SMARCB1: variants seen among roughly 807,000 people sequenced by gnomAD.
The protein encoded by SMARCB1 is SWI/SNF related BAF chromatin remodeling complex subunit B1.
A neutral mutation model predicts 49.0 loss-of-function variants in SMARCB1; 5 were observed. The observed-to-expected ratio is 0.10, with a 90% CI of 0.05 to 0.21. The LOEUF is 0.21. SMARCB1 is among the 10% of genes least tolerant of loss of function. SMARCB1 has a pLI of 1.00. For missense variants in SMARCB1, 226 were observed against 509.2 expected, an observed-to-expected ratio of 0.44 and a Z score of 5.35; for synonymous variants, 201 against 200.1, an observed-to-expected ratio of 1.00 and a Z score of -0.04.
chr22:23,837,570 A>G lies in SMARCB1; in HGVS notation c.*3390A>G. 7.9e-7 allele frequency: 1 copy of G among 1,269,192 alleles called. No individual in the cohort carries two copies. The highest frequency in any genetic ancestry group is 1.1e-6 in the Non-Finnish European group (1 of 911,284). The allele number at this position is 1,269,192 out of a possible 1,614,324, so 78.6% of individuals were successfully genotyped here. ...AGCCAGGTGTGAGGAGAACTCCAGC[A>G]AGGATGGGAGAGGGGCCCCAGGGCA... is the stretch of plus-strand genomic sequence containing the variant. On this transcript the variant is annotated 3_prime_UTR_variant, in exon 9 of 9. Transcript: ENST00000644036.
rs193100004 is a variant in SMARCB1, at chr22:23,808,978, G to A, written c.628+5556G>A. Among the ~76,000 whole-genome samples the A allele has an allele frequency of 3.2e-3, 490 of 151,764 alleles. 8 individuals are homozygous for A. Among genetic ancestry groups the A allele is most frequent in the African/African-American group, 0.011 (447 of 41,300 alleles). On this transcript the variant is annotated intron_variant, in intron 5 of 8. Coordinates refer to ENST00000644036, the MANE Select transcript of SMARCB1 (RefSeq NM_003073.5). Reference sequence around the variant, plus strand: ...CTCCTAAAGTGCTGGGATTACAGGCGTGAGCCACTGTGCTCGGCCAATTTT... The same window carrying A: ...CTCCTAAAGTGCTGGGATTACAGGCATGAGCCACTGTGCTCGGCCAATTTT...
chr22:23,822,019 G>A (rs2030115060), intron 6 of SMARCB1, among the ~76,000 whole-genome samples: 1 of 152,244 alleles, frequency 6.6e-6, no homozygotes, highest in South Asian at 2.1e-4. Context: ...GGGTGTTTCT[G>A]TAAGGACGTC....
rs150935658 is a variant in SMARCB1, at chr22:23,810,582, G to C, written c.629-6188G>C. On this transcript the variant is annotated intron_variant, in intron 5 of 8. Transcript: ENST00000644036. ...GAAAAGATTAAAGAAGAAACATTGAGACATCAGGAAGGAACAAAAGAAAGC... is the reference window on the plus strand; with the variant it reads ...GAAAAGATTAAAGAAGAAACATTGACACATCAGGAAGGAACAAAAGAAAGC... 4.9e-3 allele frequency among the ~76,000 whole-genome samples: 730 copies of C among 149,446 alleles called. 20 individuals are homozygous for C. In the South Asian group the frequency reaches 0.083, roughly 17 times the overall value.
chr22:23,823,687 C>G (rs9612474), intron 6 of SMARCB1: 1 of 151,658 alleles, frequency 6.6e-6, no homozygotes, highest in Non-Finnish European at 1.5e-5. Flanking sequence ...GTCGCAGCTA[C>G]TCAGGAGACT....
chr22:23,787,778 C>A (rs1289704304), intron 1 of SMARCB1, among the ~76,000 whole-genome samples: 1 of 152,084 alleles, frequency 6.6e-6, no homozygotes, highest in Admixed American at 6.5e-5. Context: ...CTTTGTTTAC[C>A]GGTGAAGAAA....
At chr22:23,829,313 A>C (rs1463050504) in intron 7 of SMARCB1, among the ~76,000 whole-genome samples, 1 of 152,230 alleles carries the variant, frequency 6.6e-6, no homozygotes, top group African/African-American at 2.4e-5. Flanking sequence ...TGGCCAGGGC[A>C]GGTGCTGATG....
At chr22:23,826,747 A>G (rs930138050) in intron 7 of SMARCB1, among the ~76,000 whole-genome samples, 1 of 152,244 alleles carries the variant, frequency 6.6e-6, no homozygotes, top group Non-Finnish European at 1.5e-5. Flanking sequence ...CCCAAGAGAC[A>G]GCTTTCTATG....
At chr22:23,832,468 T>C (rs2146038903) in intron 7 of SMARCB1, among the ~76,000 whole-genome samples, 1 of 152,058 alleles carries the variant, frequency 6.6e-6, no homozygotes, top group Middle Eastern at 3.4e-3. Context: ...TGGCAGGGTG[T>C]CCTTCTCCCA....
intron 6 of SMARCB1, chr22:23,817,327 C>T (rs1211928411): frequency 9.5e-6 from 3 of 314,522 alleles, no homozygotes; most frequent in Admixed American, 4.3e-5. Context: ...GAGCTGAGAT[C>T]ACCTGCGGAA....
chr22:23,803,820 C>T (rs1929326160), intron 5 of SMARCB1: 6 of 335,452 alleles, frequency 1.8e-5, no homozygotes, highest in South Asian at 1.3e-4. Flanking sequence ...TGCCTCTCTC[C>T]TCCTCTAACT....
chr22:23,811,466 T>C (rs1443215807), intron 5 of SMARCB1, among the ~76,000 whole-genome samples: 2 of 152,206 alleles, frequency 1.3e-5, no homozygotes, highest in East Asian at 3.8e-4. Flanking sequence ...GAGCAACATA[T>C]ACCATATAAT....
chr22:23,803,563 G>T (rs1483501933), intron 5 of SMARCB1, 141 bp downstream of exon 5: 2 of 946,458 alleles, frequency 2.1e-6, no homozygotes, highest in South Asian at 1.4e-5. Flanking sequence ...TGGAGGGTGT[G>T]GGCTCTGGGT....
chr22:23,819,858 G>A (rs1011378207), intron 6 of SMARCB1, among the ~76,000 whole-genome samples: 2 of 150,342 alleles, frequency 1.3e-5, no homozygotes, highest in African/African-American at 4.9e-5. Flanking sequence ...ACAGAGTCTC[G>A]CTCTGTTACC....
intron 4 of SMARCB1, chr22:23,801,452 C>T: frequency 1.8e-6 from 1 of 543,990 alleles, no homozygotes; most frequent in Non-Finnish European, 3.5e-6. Context: ...CCAGAGCCTG[C>T]TGGAGTAAAC....
chr22:23,805,854 C>A (rs11703205), intron 5 of SMARCB1, among the ~76,000 whole-genome samples: 19,173 of 152,204 alleles, frequency 0.13, 1,298 homozygotes, highest in South Asian at 0.28. Context: ...CTTAGTGTTC[C>A]AATTGGATCA....
At chr22:23,800,846 CAG>C (rs2145977722) in intron 3 of SMARCB1, 96 bp from the exon 4 acceptor site, 3 of 951,332 alleles carry the variant, frequency 3.2e-6, no homozygotes, top group East Asian at 4.8e-5. Context: ...TCGAGCCTGA[CAG>C]AGGTACAGTG....
chr22:23,811,206 T>C (rs1929851484), intron 5 of SMARCB1, among the ~76,000 whole-genome samples: 1 of 152,112 alleles, frequency 6.6e-6, no homozygotes, highest in East Asian at 1.9e-4. Flanking sequence ...ATCCTAAATA[T>C]GTATGCAGCA....
At chr22:23,801,416 CGTGACTCCCACT>C (rs551606363) in intron 4 of SMARCB1, 10 of 621,266 alleles carry the variant, frequency 1.6e-5, no homozygotes, top group African/African-American at 1.4e-4. Flanking sequence ...ATGCCATCCA[CGTGACTCCCACT>C]GTGCCACCAT....
At chr22:23,808,685 G>A (rs1213156792) in intron 5 of SMARCB1, among the ~76,000 whole-genome samples, 2 of 151,336 alleles carry the variant, frequency 1.3e-5, no homozygotes, top group African/African-American at 2.4e-5. Context: ...AGGAATGAAC[G>A]ATATTGGACA....
Sources: gnomAD v4.1 joint callset for allele counts (sites outside exome capture counted in the v4.1 genomes callset) on GRCh38, gnomAD v4.1.1 for gene constraint, MANE v1.5 for transcripts, NCBI Gene and HGNC (gene_info 2026-07-23, HGNC 2026-07-21) for gene names.